USP54: variants seen among roughly 807,000 people sequenced by gnomAD.
USP54 encodes the protein ubiquitin specific peptidase 54.
USP54 carries 87 observed loss-of-function variants against 170.5 expected under a neutral mutation model. The ratio of observed to expected loss-of-function variants is 0.51; its 90% CI spans 0.43 to 0.61. The LOEUF is 0.61. Ranked by LOEUF, USP54 falls within the 20% of genes least tolerant of loss-of-function variation. The pLI, the probability that USP54 is intolerant of heterozygous loss-of-function variation, is 0.00. For synonymous variants in USP54, 655 were observed against 742.8 expected (o/e 0.88, Z 1.92); for missense variants, 1,786 against 2,047.8 (o/e 0.87, Z 2.47).
intron 5 of USP54, among the ~76,000 whole-genome samples, chr10:73,543,389 T>C (rs1227697606): frequency 6.6e-6 from 1 of 152,148 alleles, no homozygotes; most frequent in Admixed American, 6.5e-5. Context: ...TTTTTTGAGA[T>C]GGAGTCTCGC....
At chr10:73,581,785 T>C (rs1028478435) in intron 1 of USP54, among the ~76,000 whole-genome samples, 1 of 152,218 alleles carries the variant, frequency 6.6e-6, no homozygotes, top group Admixed American at 6.5e-5. Flanking sequence ...GATCTAAATA[T>C]AATATTTGGT....
At chr10:73,543,211 GA>G in intron 5 of USP54, 80 bp from the exon 6 acceptor site, 1 of 977,932 alleles carries the variant, frequency 1.0e-6, no homozygotes. Flanking sequence ...CTTACCCATA[GA>G]AACAGCAACC....
At chr10:73,569,432 T>C (rs547279285) in intron 4 of USP54, among the ~76,000 whole-genome samples, 2 of 152,306 alleles carry the variant, frequency 1.3e-5, no homozygotes, top group East Asian at 3.9e-4. Flanking sequence ...TTATTAAAAT[T>C]CATATTTGAA....
intron 12 of USP54, among the ~76,000 whole-genome samples, chr10:73,532,691 C>A (rs181744110): frequency 2.5e-3 from 374 of 152,294 alleles, no homozygotes; most frequent in African/African-American, 8.5e-3. Context: ...CTAGGTCCAA[C>A]TACCAATTTA....
Position 73,526,635 on chromosome 10 carries a change from C to T in USP54, c.2194+12G>A. ...CAAATCCAGTCCTCAAATTCAGTGT[C>T]ATTCTGCTTACCAGAGAAAGGCTGA... On this transcript the variant is annotated intron_variant, in intron 16 of 23. Transcript: ENST00000687698. 6.2e-7 allele frequency: 1 copy of T among 1,613,424 alleles called. No individual in the cohort carries two copies. The highest frequency in any genetic ancestry group is 8.5e-7 in the Non-Finnish European group (1 of 1,179,728).
intron 5 of USP54, among the ~76,000 whole-genome samples, chr10:73,543,946 CTT>C (rs1162232618): frequency 5.6e-5 from 8 of 143,768 alleles, no homozygotes; most frequent in African/African-American, 5.1e-5. Flanking sequence ...ACCACATAAC[CTT>C]TTTTTTTTTT....
At chr10:73,578,465 G>A (rs1336519044) in intron 1 of USP54, among the ~76,000 whole-genome samples, 1 of 152,190 alleles carries the variant, frequency 6.6e-6, no homozygotes, top group East Asian at 1.9e-4. Context: ...AGGCTGGAGT[G>A]CAGTCGCGCA....
rs1422529890 is a variant in USP54, at chr10:73,520,955, T to C, written c.2435A>G (p.Gln812Arg). The change falls in exon 18 of 24, where the codon CAG (glutamine) becomes CGG (arginine). Residue 812 changes from glutamine to arginine, a missense_variant. By Grantham distance (43) the Gln-to-Arg change is conservative. Transcript: ENST00000687698. Reference sequence around the variant, plus strand: ...CAAAGCTGCAGCACAGTCTCCTTTCTGTTCCAGATGTAGTGACTCTTCAAA... The same window carrying C: ...CAAAGCTGCAGCACAGTCTCCTTTCCGTTCCAGATGTAGTGACTCTTCAAA... ...SVFEESLHLE[Q>R]KGDCAAALAL... 1.9e-6 allele frequency: 3 copies of C among 1,614,244 alleles called. No individual in the cohort carries two copies. The South Asian group carries it at 3.3e-5, about 18-fold the overall frequency.
Position 73,539,458 on chromosome 10 carries a change from C to T in USP54, c.961G>A (p.Ala321Thr), listed in dbSNP as rs2066093062. 6.2e-7 allele frequency: 1 copy of T among 1,609,842 alleles called. No homozygotes were observed. Among genetic ancestry groups the T allele is most frequent in the South Asian group, 1.1e-5 (1 of 90,484 alleles). Reference sequence around the variant, plus strand: ...ACTACTCCTACCTCCTTGACATGAGCATCATCAAAATACATCCATTTGCGA... The same window carrying T: ...ACTACTCCTACCTCCTTGACATGAGTATCATCAAAATACATCCATTTGCGA... ...KIRKWMYFDD[A>T]HVKEIGPKWK... Residue 321 changes from alanine to threonine, a missense_variant, in exon 10 of 24, where the codon GCT (alanine) becomes ACT (threonine). Physicochemically the swap from Ala to Thr is moderately conservative, Grantham distance 58. Transcript: ENST00000687698.
chr10:73,592,805 C>A (rs183074223), upstream of USP54, among the ~76,000 whole-genome samples: 1 of 152,300 alleles, frequency 6.6e-6, no homozygotes, highest in Admixed American at 6.5e-5. Flanking sequence ...GGGAAGTGAT[C>A]CACAGGGAAA....
rs78464723 is a variant in USP54 at position 73,504,630 on chromosome 10, G to A, written c.4311+220C>T. The A allele has an allele frequency of 0.02, 12,320 of 606,184 alleles. 687 individuals are homozygous for A. Among genetic ancestry groups the A allele is most frequent in the African/African-American group, 0.15 (8,369 of 53,998 alleles). 37.6% of individuals were successfully genotyped at this position (606,184 alleles called of 1,614,324 possible). A position where few individuals can be genotyped will look rare whatever the true frequency, so the allele number is the denominator to read the frequency against. On this transcript the variant is annotated intron_variant, in intron 22 of 23. Coordinates refer to ENST00000687698, the MANE Select transcript of USP54 (RefSeq NM_001391956.1). The stretch of plus-strand genomic sequence containing the variant: ...CTCACCCCAGGAAACCCTACAACAC[G>A]CACGGCCTTTCAGAACTGCTACATG...
chr10:73,587,959 G>T (rs550735085), intron 1 of USP54, among the ~76,000 whole-genome samples: 1 of 152,178 alleles, frequency 6.6e-6, no homozygotes, highest in South Asian at 2.1e-4. Context: ...AATAATGTAC[G>T]CAGAATACTT....
At chr10:73,539,373 A>C in intron 10 of USP54, 71 bp downstream of exon 10, 1 of 1,356,610 alleles carries the variant, frequency 7.4e-7, no homozygotes, top group Non-Finnish European at 9.7e-7. Flanking sequence ...AAAATGAAAC[A>C]CTAAAGACAA....
At chr10:73,565,136 T>G (rs2073980010) in intron 4 of USP54, among the ~76,000 whole-genome samples, 2 of 152,158 alleles carry the variant, frequency 1.3e-5, no homozygotes, top group African/African-American at 2.4e-5. Flanking sequence ...ATCAGTAGTA[T>G]CCCTACTTAT....
intron 16 of USP54, 40 bp downstream of exon 16, chr10:73,526,607 G>T: frequency 6.2e-7 from 1 of 1,609,350 alleles, no homozygotes; most frequent in South Asian, 1.1e-5. Flanking sequence ...CAAAACTGCC[G>T]GTCAAATCCA....
At chr10:73,584,972 CAT>C (rs1181839371) in intron 1 of USP54, among the ~76,000 whole-genome samples, 2 of 152,316 alleles carry the variant, frequency 1.3e-5, no homozygotes, top group Non-Finnish European at 2.9e-5. Flanking sequence ...TCTAATCCTA[CAT>C]GTCACTACCA....
chr10:73,502,919 A>G (rs570531261), intron 22 of USP54, among the ~76,000 whole-genome samples: 1 of 152,194 alleles, frequency 6.6e-6, no homozygotes, highest in East Asian at 1.9e-4. Context: ...TCTTCCCTCA[A>G]ATATATCATT....
chr10:73,539,702 C>T (rs190469484), intron 9 of USP54, 109 bp from the exon 10 acceptor site: 17 of 1,223,626 alleles, frequency 1.4e-5, no homozygotes, highest in Middle Eastern at 2.0e-4. Context: ...ACTTGCTTCT[C>T]TTCCCTTCAG....
At position 73,539,287 on chromosome 10, in the gene USP54, A is replaced by G. The variant is rs569436816; in HGVS notation, c.975+157T>C. On this transcript the variant is annotated intron_variant, in intron 10 of 23. Coordinates refer to ENST00000687698, the MANE Select transcript of USP54 (RefSeq NM_001391956.1). ...GAGTGAGACTCCATCTCAAAAAAAA[A>G]AAAAATTAAAAAAAAAAAAAATATA... Among the ~76,000 whole-genome samples, 181 of 140,554 alleles carry G rather than the reference A, an allele frequency of 1.3e-3. 1 individual carries two copies. The highest frequency in any genetic ancestry group is 3.6e-3 in the Middle Eastern group (1 of 278). 92.2% of individuals were successfully genotyped at this position (140,554 alleles called of 152,430 possible).
Sources: gnomAD v4.1 joint callset for allele counts (sites outside exome capture counted in the v4.1 genomes callset) on GRCh38, gnomAD v4.1.1 for gene constraint, MANE v1.5 for transcripts, NCBI Gene and HGNC (gene_info 2026-07-23, HGNC 2026-07-21) for gene names.